Variants in LRSAM1 observed in about 807,000 individuals in gnomAD.
LRSAM1 encodes E3 ubiquitin-protein ligase LRSAM1.
In LRSAM1, 96 loss-of-function variants were observed where a neutral mutation model predicts 118.1. That is an observed-to-expected ratio of 0.81 (90% CI 0.69 to 0.96). The LOEUF (loss-of-function observed/expected upper bound fraction) is 0.96. LRSAM1 is among the 40% of genes least tolerant of loss of function. The probability of loss-of-function intolerance (pLI) is 0.00; values close to 1 mark genes in which losing one functional copy is unlikely to be tolerated. For synonymous variants in LRSAM1, 322 were observed against 364.2 expected (o/e 0.88, Z 1.32); for missense variants, 804 against 915.5 (o/e 0.88, Z 1.57).
intron 10 of LRSAM1, among the ~76,000 whole-genome samples, chr9:127,469,344 C>A (rs1340151017): frequency 6.6e-6 from 1 of 152,106 alleles, no homozygotes; most frequent in Non-Finnish European, 1.5e-5. Flanking sequence ...GTGGCAGGCA[C>A]CTGTAATCCC....
At chr9:127,471,519 G>C (rs1835168397) in intron 10 of LRSAM1, among the ~76,000 whole-genome samples, 1 of 149,152 alleles carries the variant, frequency 6.7e-6, no homozygotes, top group Admixed American at 6.7e-5. Flanking sequence ...GGGCGCGGTG[G>C]CTCACGCCTG....
intron 16 of LRSAM1, among the ~76,000 whole-genome samples, chr9:127,485,027 C>T (rs1835679490): frequency 6.6e-6 from 1 of 152,028 alleles, no homozygotes; most frequent in South Asian, 2.1e-4. Flanking sequence ...AGGCTGGTCT[C>T]GAACTCCTGA....
At chr9:127,457,877 C>T (rs1834579337) in intron 6 of LRSAM1, among the ~76,000 whole-genome samples, 1 of 151,978 alleles carries the variant, frequency 6.6e-6, no homozygotes, top group South Asian at 2.1e-4. Flanking sequence ...GGTGTCAGCC[C>T]AGCAGCACAG....
chr9:127,500,351 A>ACC (rs1554762353), intron 24 of LRSAM1, among the ~76,000 whole-genome samples: 1 of 119,398 alleles, frequency 8.4e-6, no homozygotes, highest in South Asian at 2.7e-4. Flanking sequence ...ACAGAGCGAG[A>ACC]CTGTCTCAAA....
chr9:127,477,327 G>A (rs748536393), intron 11 of LRSAM1, among the ~76,000 whole-genome samples: 1 of 152,106 alleles, frequency 6.6e-6, no homozygotes, highest in Non-Finnish European at 1.5e-5. Context: ...CTGTATAATT[G>A]AAGATTAATT....
At chr9:127,466,505 T>TATATATATATATATATATATA (rs61032058) in intron 9 of LRSAM1, among the ~76,000 whole-genome samples, 6 of 18,982 alleles carry the variant, frequency 3.2e-4, no homozygotes, top group East Asian at 2.7e-3. Flanking sequence ...TATATATATA[T>TATATATATATATATATATATA]TTTTTTTTTT....
chr9:127,464,384 G>A (rs10987657), intron 9 of LRSAM1, among the ~76,000 whole-genome samples: 3 of 107,886 alleles, frequency 2.8e-5, no homozygotes, highest in Admixed American at 1.3e-4. Flanking sequence ...CCAGAGCGGC[G>A]GCCACTGGCC....
intron 24 of LRSAM1, 151 bp downstream of exon 24, chr9:127,497,485 CT>C: frequency 1.2e-6 from 1 of 812,190 alleles, no homozygotes; most frequent in Non-Finnish European, 2.0e-6. Context: ...AAGGAGCAGG[CT>C]TAGGGATCAG....
intron 25 of LRSAM1, among the ~76,000 whole-genome samples, chr9:127,501,470 G>A (rs886603922): frequency 3.3e-5 from 5 of 152,098 alleles, no homozygotes; most frequent in East Asian, 1.9e-4. Context: ...GGTGGCTCAC[G>A]CCTGTAATCC....
At chr9:127,453,135 G>A (rs770082381) in intron 2 of LRSAM1, among the ~76,000 whole-genome samples, 1 of 152,186 alleles carries the variant, frequency 6.6e-6, no homozygotes, top group African/African-American at 2.4e-5. Context: ...AGGCTGGAGT[G>A]CAGTGGCATG....
chr9:127,494,087 A>G (rs931950498), intron 21 of LRSAM1, among the ~76,000 whole-genome samples: 1 of 152,238 alleles, frequency 6.6e-6, no homozygotes, highest in Non-Finnish European at 1.5e-5. Context: ...GCCAGGTACT[A>G]TGGCTGGTGC....
At chr9:127,483,365 T>C (rs745687638) in intron 16 of LRSAM1, among the ~76,000 whole-genome samples, 1 of 151,854 alleles carries the variant, frequency 6.6e-6, no homozygotes, top group Non-Finnish European at 1.5e-5. Flanking sequence ...GAGGATCACA[T>C]GAGCCCAGGA....
At chr9:127,499,395 A>AAATT (rs1340894536) in intron 24 of LRSAM1, among the ~76,000 whole-genome samples, 1 of 151,722 alleles carries the variant, frequency 6.6e-6, no homozygotes, top group East Asian at 1.9e-4. Context: ...AAATTAAAAA[A>AAATT]AATTAGCAAG....
At position 127,473,914 on chromosome 9, in the gene LRSAM1, G is replaced by A; in HGVS notation, c.733G>A (p.Glu245Lys). 5 of 1,614,252 alleles carry A rather than the reference G, an allele frequency of 3.1e-6. No individual in the cohort carries two copies. Among genetic ancestry groups the A allele is most frequent in the Non-Finnish European group, 4.2e-6 (5 of 1,180,050 alleles). ...PDGPTDRFSR[E>K]ELEWQNRFSD... is the part of the protein sequence containing the mutation. ...TGGGCCCACGGACAGATTCTCAAGG[G>A]AGGAGTTAGAGTGGCAGGTAAGACA... The change falls in exon 11 of 26, where the codon GAG becomes AAG. Residue 245 changes from glutamate (E) to lysine (K), a missense_variant. Coordinates refer to ENST00000300417, the MANE Select transcript of LRSAM1 (RefSeq NM_001005373.4).
Position 127,467,744 on chromosome 9 carries a change from T to C in LRSAM1, c.533T>C (p.Leu178Pro). ...MLAHVRTLEMLSLDASAMVYP... is the reference protein window; with the variant it reads ...MLAHVRTLEMPSLDASAMVYP... ...GGGTTACCCTTGTGTCTGCAGATGCTGAGCCTTGACGCCTCGGCCATGGTC... is the reference window on the plus strand; with the variant it reads ...GGGTTACCCTTGTGTCTGCAGATGCCGAGCCTTGACGCCTCGGCCATGGTC... The change falls in exon 10 of 26, where the codon CTG (leucine) becomes CCG (proline). Residue 178 changes from leucine (L) to proline (P), a missense_variant. Transcript: ENST00000300417. The C allele has an allele frequency of 5.0e-6, 8 of 1,610,204 alleles. No homozygotes were observed. The highest frequency in any genetic ancestry group is 6.8e-6 in the Non-Finnish European group (8 of 1,178,702).
At chr9:127,468,806 T>C (rs1376006295) in intron 10 of LRSAM1, among the ~76,000 whole-genome samples, 2 of 81,588 alleles carry the variant, frequency 2.5e-5, no homozygotes, top group Admixed American at 1.6e-4. Flanking sequence ...AAACCCTGTC[T>C]CTACAAAAAA....
rs1368204676 is a variant in LRSAM1 at position 127,457,315 on chromosome 9, G to C, written c.175-1G>C. On this transcript the variant is annotated splice_acceptor_variant, in intron 5 of 25. Coordinates refer to ENST00000300417, the MANE Select transcript of LRSAM1 (RefSeq NM_001005373.4). LOFTEE classifies it high-confidence loss of function. ...GCATGGCCGCACATCTCTCCACACA[G>C]GTGCTGATCGTCCACACGAATCACC... 1 of 1,614,086 alleles carries C rather than the reference G, an allele frequency of 6.2e-7. No homozygotes were observed. Among genetic ancestry groups the C allele is most frequent in the South Asian group, 1.1e-5 (1 of 91,086 alleles).
intron 9 of LRSAM1, among the ~76,000 whole-genome samples, chr9:127,464,418 A>T (rs11792666): frequency 9.2e-6 from 1 of 108,194 alleles, no homozygotes; most frequent in South Asian, 2.9e-4. Flanking sequence ...GAGCACCTGG[A>T]GACCGTGCTG....
Position 127,484,276 on chromosome 9 carries a change from T to TA in LRSAM1, c.1159+1256_1159+1257insA, listed in dbSNP as rs1467323149. Among the ~76,000 whole-genome samples, 5 of 151,816 alleles carry TA rather than the reference T, an allele frequency of 3.3e-5. No homozygotes were observed. The East Asian group carries it at 9.6e-4, about 29-fold the overall frequency. On this transcript the variant is annotated intron_variant, in intron 16 of 25. Transcript: ENST00000300417. ...GAATTTCTTTCCCTTTTTTTTTTTT[T>TA]TTTTCCTGCTTCTTTATTTCTAAAC...
Sources: allele counts gnomAD v4.1 joint callset (sites outside exome capture counted in the v4.1 genomes callset), GRCh38; gene constraint gnomAD v4.1.1; transcripts MANE v1.5; gene names NCBI Gene and HGNC (gene_info 2026-07-23, HGNC 2026-07-21).